DCC: variants seen among roughly 807,000 people sequenced by gnomAD.
The protein encoded by DCC is netrin receptor DCC.
Under a neutral mutation model 172.5 loss-of-function variants are expected in DCC, and 58 were observed. That is an observed-to-expected ratio of 0.34 (90% CI 0.27 to 0.42). DCC has a LOEUF of 0.42. Among genes scored for constraint, DCC ranks in the 10% least tolerant of loss-of-function variants. The pLI is 1.00. For missense variants in DCC, 1,740 were observed against 1,791.0 expected, an observed-to-expected ratio of 0.97 and a Z score of 0.51; for synonymous variants, 709 against 644.5, an observed-to-expected ratio of 1.10 and a Z score of -1.52.
In DCC at chr18:53,428,240, T is replaced by C. The variant is rs1370826672; in HGVS notation, c.3164-6904T>C. ...TATATAATTATAATTATATATATAA[T>C]TAATTATATATTTAATAATATATTA... On this transcript the variant is annotated intron_variant, in intron 21 of 28. Transcript: ENST00000442544. Among the ~76,000 whole-genome samples the C allele has an allele frequency of 6.5e-5, 2 of 30,796 alleles. 1 individual carries two copies. The highest frequency in any genetic ancestry group is 1.7e-4 in the Non-Finnish European group (2 of 11,454). 20.2% of individuals were successfully genotyped at this position (30,796 alleles called of 152,430 possible).
intron 2 of DCC, among the ~76,000 whole-genome samples, chr18:52,829,585 A>T (rs1434794635): frequency 6.6e-6 from 1 of 152,240 alleles, no homozygotes; most frequent in African/African-American, 2.4e-5. Context: ...ACAGTTCAAG[A>T]GTCTGACAGG....
intron 1 of DCC, among the ~76,000 whole-genome samples, chr18:52,657,924 G>T (rs184539082): frequency 6.6e-6 from 1 of 152,060 alleles, no homozygotes; most frequent in Admixed American, 6.6e-5. Context: ...CAGATGAACC[G>T]CGTTAATCAC....
At chr18:53,497,617 C>G (rs117658737) in intron 26 of DCC, among the ~76,000 whole-genome samples, 1 of 152,176 alleles carries the variant, frequency 6.6e-6, no homozygotes, top group Non-Finnish European at 1.5e-5. Context: ...GAACCACACT[C>G]ACAAAAATCT....
intron 2 of DCC, chr18:52,757,284 AAC>A (rs1428130169): frequency 6.6e-6 from 1 of 152,206 alleles, no homozygotes; most frequent in East Asian, 1.9e-4. Context: ...ATGGCTTTTC[AAC>A]TGAAAAAGAT....
intron 2 of DCC, among the ~76,000 whole-genome samples, chr18:52,888,892 C>A (rs746810015): frequency 6.6e-6 from 1 of 151,910 alleles, no homozygotes; most frequent in African/African-American, 2.4e-5. Context: ...TACACACACC[C>A]CTCTTTACAC....
At chr18:53,148,786 T>G (rs1422457297) in intron 7 of DCC, among the ~76,000 whole-genome samples, 1 of 151,834 alleles carries the variant, frequency 6.6e-6, no homozygotes, top group Non-Finnish European at 1.5e-5. Context: ...CGACGTACTT[T>G]CCTTCCACAG....
At chr18:52,740,094 T>G (rs1238106891) in intron 1 of DCC, among the ~76,000 whole-genome samples, 1 of 152,196 alleles carries the variant, frequency 6.6e-6, no homozygotes, top group Non-Finnish European at 1.5e-5. Flanking sequence ...AATAGGTCCT[T>G]CATCCTTGAG....
chr18:52,910,646 C>A (rs2145458326), intron 3 of DCC, among the ~76,000 whole-genome samples: 1 of 152,222 alleles, frequency 6.6e-6, no homozygotes, highest in East Asian at 1.9e-4. Flanking sequence ...GAGTGCCAAG[C>A]AGGACATTGA....
intron 25 of DCC, among the ~76,000 whole-genome samples, chr18:53,485,317 C>T (rs1026013050): frequency 7.9e-5 from 12 of 152,160 alleles, no homozygotes; most frequent in African/African-American, 2.9e-4. Context: ...TGTCATCACT[C>T]CTCTACACTC....
At chr18:53,140,439 G>C (rs886737700) in intron 7 of DCC, among the ~76,000 whole-genome samples, 14 of 152,148 alleles carry the variant, frequency 9.2e-5, no homozygotes, top group Non-Finnish European at 4.4e-5. Flanking sequence ...ATAACGAATG[G>C]AGTTGGGAGA....
intron 7 of DCC, among the ~76,000 whole-genome samples, chr18:53,082,858 C>T (rs1214900913): frequency 6.6e-6 from 1 of 151,982 alleles, no homozygotes. Flanking sequence ...ATATCTATCT[C>T]CTATGTTCTA....
chr18:53,481,082 G>A (rs2045826254), intron 25 of DCC: 1 of 152,208 alleles, frequency 6.6e-6, no homozygotes, highest in Admixed American at 6.6e-5. Context: ...ATCTAAAATA[G>A]AGAAGAGAGG....
chr18:52,559,821 A>G (rs1014524483), intron 1 of DCC, among the ~76,000 whole-genome samples: 1 of 152,196 alleles, frequency 6.6e-6, no homozygotes, highest in African/African-American at 2.4e-5. Context: ...TGGAGGAGAG[A>G]GAGAGAAAGA....
intron 1 of DCC, among the ~76,000 whole-genome samples, chr18:52,464,454 T>C (rs1988724652): frequency 6.6e-6 from 1 of 152,196 alleles, no homozygotes; most frequent in Admixed American, 6.5e-5. Context: ...AGAGCTGTGT[T>C]TTAGAAAATT....
chr18:53,247,147 G>A (rs893873399), intron 12 of DCC, among the ~76,000 whole-genome samples: 2 of 151,996 alleles, frequency 1.3e-5, no homozygotes, highest in Non-Finnish European at 2.9e-5. Context: ...CTTGGAAGAG[G>A]ACAACCTTAG....
At chr18:52,424,714 C>T (rs956773827) in intron 1 of DCC, among the ~76,000 whole-genome samples, 8 of 151,976 alleles carry the variant, frequency 5.3e-5, no homozygotes, top group African/African-American at 1.9e-4. Context: ...ATTGAGTTAC[C>T]TCTGCCAGTT....
At chr18:52,932,344 G>T (rs1325874752) in intron 5 of DCC, among the ~76,000 whole-genome samples, 1 of 152,080 alleles carries the variant, frequency 6.6e-6, no homozygotes, top group Non-Finnish European at 1.5e-5. Flanking sequence ...AAATGTTCTA[G>T]AGATTTGCCA....
intron 14 of DCC, among the ~76,000 whole-genome samples, chr18:53,333,280 A>C (rs1159428937): frequency 1.3e-5 from 2 of 152,228 alleles, no homozygotes; most frequent in Non-Finnish European, 2.9e-5. Context: ...ATTTGTAAGC[A>C]TCAGACATGC....
At chr18:53,091,377 A>G (rs1046280365) in intron 7 of DCC, among the ~76,000 whole-genome samples, 8 of 147,556 alleles carry the variant, frequency 5.4e-5, no homozygotes, top group African/African-American at 2.0e-4. Context: ...ATATATAAAT[A>G]TATATGTAAA....
Sources: gnomAD v4.1 joint callset for allele counts (sites outside exome capture counted in the v4.1 genomes callset) on GRCh38, gnomAD v4.1.1 for gene constraint, MANE v1.5 for transcripts, NCBI Gene and HGNC (gene_info 2026-07-23, HGNC 2026-07-21) for gene names.